NXF1: variants seen among roughly 807,000 people sequenced by gnomAD.
NXF1 encodes nuclear RNA export factor 1.
In NXF1, 43 loss-of-function variants were observed where a neutral mutation model predicts 92.4. The ratio of observed to expected loss-of-function variants is 0.47; its 90% CI spans 0.36 to 0.60. The LOEUF (loss-of-function observed/expected upper bound fraction) is 0.60, where lower values mean the gene tolerates loss of function less well. NXF1 is among the 20% of genes least tolerant of loss of function. The pLI is 0.00. For synonymous variants in NXF1, 288 were observed against 292.2 expected (o/e 0.99, Z 0.15); for missense variants, 576 against 793.0 (o/e 0.73, Z 3.29).
chr11:62,799,779 C>T, intron 10 of NXF1: 1 of 985,892 alleles, frequency 1.0e-6, no homozygotes, highest in Non-Finnish European at 1.2e-6. Flanking sequence ...GTTTCTTCTT[C>T]AGGGAGAGCC....
chr11:62,799,736 G>A (rs2084458358), intron 10 of NXF1: 10 of 986,060 alleles, frequency 1.0e-5, no homozygotes, highest in Non-Finnish European at 1.2e-5. Context: ...TGCTGGCGGG[G>A]CCCCAGCTCT....
At chr11:62,792,806 C>T in intron 19 of NXF1, 105 bp from the exon 20 acceptor site, 4 of 889,234 alleles carry the variant, frequency 4.5e-6, no homozygotes, top group Non-Finnish European at 7.3e-6. Context: ...TATGTACATT[C>T]TTATACATCC....
At position 62,801,433 on chromosome 11, in the gene NXF1, G is replaced by A; in HGVS notation, c.710-16C>T. ...GCCACCAAATCTTCAGGAAGCAGAA[G>A]GGAAGGAAAGGGAAGACTGAGAGGG... On this transcript the variant is annotated splice_polypyrimidine_tract_variant and intron_variant, in intron 7 of 20. Coordinates refer to ENST00000294172, the MANE Select transcript of NXF1 (RefSeq NM_006362.5). 2 of 1,613,338 alleles carry A rather than the reference G, an allele frequency of 1.2e-6. No individual in the cohort carries two copies. The highest frequency in any genetic ancestry group is 2.2e-5 in the South Asian group (2 of 91,064).
At chr11:62,803,748 T>C in intron 2 of NXF1, 44 bp downstream of exon 2, 1 of 1,591,936 alleles carries the variant, frequency 6.3e-7, no homozygotes, top group Admixed American at 1.7e-5. Context: ...GGCCATATAA[T>C]CTCATGAGCC....
At chr11:62,795,276 G>C in intron 17 of NXF1, 1 of 360,828 alleles carries the variant, frequency 2.8e-6, no homozygotes, top group South Asian at 4.7e-5. Flanking sequence ...AAGAGATCGA[G>C]ACCATCCTGT....
chr11:62,805,439 G>C lies in NXF1; in HGVS notation c.-83C>G, dbSNP rs1483041117. ...TAACTCCCAAGCGCTCAGGACCGAA[G>C]TGTCCCTACGCCGGGCGCCACCGCA... is the stretch of plus-strand genomic sequence containing the variant. On this transcript the variant is annotated 5_prime_UTR_variant, in exon 1 of 21. Coordinates refer to ENST00000294172, the MANE Select transcript of NXF1 (RefSeq NM_006362.5). 1.3e-6 allele frequency: 2 copies of C among 1,585,992 alleles called. No individual in the cohort carries two copies. The highest frequency in any genetic ancestry group is 3.5e-5 in the Admixed American group (2 of 57,696).
In NXF1 at chr11:62,796,136, G is replaced by A; in HGVS notation, c.1391C>T (p.Ala464Val). The A allele has an allele frequency of 6.2e-7, 1 of 1,614,142 alleles. No homozygotes were observed. Among genetic ancestry groups the A allele is most frequent in the Non-Finnish European group, 8.5e-7 (1 of 1,180,030 alleles). ...GGTTTTGGGCAACTCATTGAGGAAG[G>A]CAACAACGTTGAGACGCGTGTGCTT... Reference protein sequence around the residue: ...LLKHTRLNVVAFLNELPKTQH... With the variant: ...LLKHTRLNVVVFLNELPKTQH... The change falls in exon 16 of 21, where the codon GCC becomes GTC. Residue 464 changes from alanine to valine, a missense_variant. Coordinates refer to ENST00000294172, the MANE Select transcript of NXF1 (RefSeq NM_006362.5).
In NXF1 at chr11:62,803,980, TAG is replaced by T; in HGVS notation, c.29-4_29-3del. 6.2e-7 allele frequency: 1 copy of T among 1,612,724 alleles called. No homozygotes were observed. ...AATTAACGCGTTCATCATCGTGTTC[TAG>T]AGTTAGAAACAGGAACACAAATTAG... is the stretch of plus-strand genomic sequence containing the variant. On this transcript the variant is annotated splice_polypyrimidine_tract_variant and splice_region_variant and intron_variant, in intron 1 of 20. Transcript: ENST00000294172.
At chr11:62,793,605 C>T (rs1021234940) in intron 19 of NXF1, among the ~76,000 whole-genome samples, 22 of 151,610 alleles carry the variant, frequency 1.5e-4, no homozygotes, top group Admixed American at 6.6e-4. Context: ...TGAGCCCTAG[C>T]AGTTGAGGCT....
At chr11:62,792,729 A>G in intron 19 of NXF1, 28 bp from the exon 20 acceptor site, 1 of 1,612,622 alleles carries the variant, frequency 6.2e-7, no homozygotes, top group Non-Finnish European at 8.5e-7. Context: ...GCAGCTCTGT[A>G]AGAACTCTGA....
rs765695282 is a variant in NXF1 at position 62,792,622 on chromosome 11, CTG to C, written c.1821+17_1821+18del. ...CCCAGAGATCCTAGTCTTTTTGCCA[CTG>C]TATTTCCAGACCTTACCTTGAGATG... is the stretch of plus-strand genomic sequence containing the variant. On this transcript the variant is annotated intron_variant, in intron 20 of 20. Transcript: ENST00000294172. The C allele has an allele frequency of 5.0e-6, 8 of 1,614,172 alleles. No individual in the cohort carries two copies. The Admixed American group carries it at 1.2e-4, about 24-fold the overall frequency.
At chr11:62,803,722 A>G (rs915829082) in intron 2 of NXF1, 70 bp downstream of exon 2, 20 of 1,561,006 alleles carry the variant, frequency 1.3e-5, no homozygotes, top group Non-Finnish European at 1.5e-5. Context: ...AAAGGAAATG[A>G]CATGGACAGT....
At position 62,792,701 on chromosome 11, in the gene NXF1, C is replaced by T; in HGVS notation, c.1761G>A (p.Lys587=). The T allele has an allele frequency of 6.2e-7, 1 of 1,614,132 alleles. No homozygotes were observed. ...QSGMNLEWSQ[K]CLQDNNWDYT... ...AGTCCCAGTTGTTGTCCTGAAGGCA[C>T]CTGGAGTGGAAGAACAGGCAGCTCT... The change falls in exon 20 of 21, where the codon AAG becomes AAA. Residue 587 remains lysine, a splice_region_variant and synonymous_variant. Transcript: ENST00000294172.
chr11:62,796,145 T>C lies in NXF1; in HGVS notation c.1382A>G (p.Asn461Ser). The change falls in exon 16 of 21, where the codon AAC becomes AGC. Residue 461 changes from asparagine to serine, a missense_variant. Coordinates refer to ENST00000294172, the MANE Select transcript of NXF1 (RefSeq NM_006362.5). ...RFRLLKHTRL[N>S]VVAFLNELPK... is the part of the protein sequence containing the mutation. Reference sequence around the variant, plus strand: ...CAACTCATTGAGGAAGGCAACAACGTTGAGACGCGTGTGCTTCAGCAGCCG... The same window carrying C: ...CAACTCATTGAGGAAGGCAACAACGCTGAGACGCGTGTGCTTCAGCAGCCG... 3 of 1,614,160 alleles carry C rather than the reference T, an allele frequency of 1.9e-6. No individual in the cohort carries two copies. The highest frequency in any genetic ancestry group is 2.2e-5 in the East Asian group (1 of 44,880).
At position 62,796,291 on chromosome 11, in the gene NXF1, G is replaced by A. The variant is rs1306996430; in HGVS notation, c.1341C>T (p.Asp447=). The change falls in exon 15 of 21, where the codon GAC becomes GAT. Residue 447 remains aspartate, a synonymous_variant. Transcript: ENST00000294172. The part of the protein sequence containing the change: ...KDSRNVKKLK[D]PTLRFRLLKH... ...TTGTTCGTATCACACACTTACTAGG[G>A]TCTTTAAGCTTCTTCACATTTCTGC... 5 of 1,614,094 alleles carry A rather than the reference G, an allele frequency of 3.1e-6. No homozygotes were observed. Among genetic ancestry groups the A allele is most frequent in the Admixed American group, 3.3e-5 (2 of 59,988 alleles).
At chr11:62,801,279 A>G (rs750745100) in intron 8 of NXF1, 50 bp downstream of exon 8, 18 of 1,607,722 alleles carry the variant, frequency 1.1e-5, no homozygotes, top group South Asian at 9.9e-5. Flanking sequence ...GCCACTTCCT[A>G]TCTAACACAC....
intron 9 of NXF1, 79 bp from the exon 10 acceptor site, chr11:62,800,565 G>T: frequency 3.5e-6 from 3 of 863,570 alleles, no homozygotes; most frequent in Non-Finnish European, 5.4e-6. Context: ...CAGTCCCTAC[G>T]CTTAGCTCTG....
chr11:62,792,348 G>GCCCT lies in NXF1; in HGVS notation c.*124_*127dup, dbSNP rs1239866030. The GCCCT allele has an allele frequency of 8.9e-6, 10 of 1,126,646 alleles. No homozygotes were observed. The highest frequency in any genetic ancestry group is 1.3e-5 in the Non-Finnish European group (10 of 744,362). 69.8% of individuals were successfully genotyped at this position (1,126,646 alleles called of 1,614,324 possible). On this transcript the variant is annotated 3_prime_UTR_variant, in exon 21 of 21. Transcript: ENST00000294172. Reference sequence around the variant, plus strand: ...GGCAGGCGAGGAGAGGGATCAGGCAGCCCTCCCTCCCTCGGTCACAGTCAC... The same window carrying GCCCT: ...GGCAGGCGAGGAGAGGGATCAGGCAGCCCTCCCTCCCTCCCTCGGTCACAGTCAC...
At chr11:62,795,071 T>G in intron 17 of NXF1, 64 bp from the exon 18 acceptor site, 1 of 1,429,610 alleles carries the variant, frequency 7.0e-7, no homozygotes, top group Non-Finnish European at 9.9e-7. Flanking sequence ...AACAGCTTCT[T>G]GAATCATGGT....
Sources: gnomAD v4.1 joint callset for allele counts (sites outside exome capture counted in the v4.1 genomes callset) on GRCh38, gnomAD v4.1.1 for gene constraint, MANE v1.5 for transcripts, NCBI Gene and HGNC (gene_info 2026-07-23, HGNC 2026-07-21) for gene names.